Variants in KIAA1217 observed in about 807,000 individuals in gnomAD.
The protein encoded by KIAA1217 is sickle tail protein homolog.
KIAA1217 carries 88 observed loss-of-function variants against 163.9 expected under a neutral mutation model. That is an observed-to-expected ratio of 0.54 (90% CI 0.45 to 0.64). KIAA1217 has a LOEUF of 0.64. Among genes scored for constraint, KIAA1217 ranks in the 30% least tolerant of loss-of-function variants. The probability of loss-of-function intolerance (pLI) is 0.00; values close to 1 mark genes in which losing one functional copy is unlikely to be tolerated. For synonymous variants in KIAA1217, 903 were observed against 923.1 expected, an observed-to-expected ratio of 0.98 and a Z score of 0.39; for missense variants, 2,372 against 2,475.0, an observed-to-expected ratio of 0.96 and a Z score of 0.88.
chr10:24,057,726 T>G (rs2060578106), intron 2 of KIAA1217, among the ~76,000 whole-genome samples: 1 of 152,212 alleles, frequency 6.6e-6, no homozygotes, highest in African/African-American at 2.4e-5. Context: ...ATTCAAATTC[T>G]TAGCCCATTT....
intron 2 of KIAA1217, among the ~76,000 whole-genome samples, chr10:24,187,210 T>G (rs1298184883): frequency 6.6e-6 from 1 of 152,208 alleles, no homozygotes; most frequent in East Asian, 1.9e-4. Flanking sequence ...CTTCCTGTCT[T>G]GTCGCTTGTC....
intron 1 of KIAA1217, among the ~76,000 whole-genome samples, chr10:23,905,456 A>G (rs184006126): frequency 2.6e-5 from 4 of 152,144 alleles, no homozygotes; most frequent in Admixed American, 2.0e-4. Context: ...TGCTTTACAG[A>G]TGATGACAGC....
intron 1 of KIAA1217, among the ~76,000 whole-genome samples, chr10:24,211,157 G>A (rs746960613): frequency 2.1e-4 from 32 of 152,112 alleles, no homozygotes; most frequent in Admixed American, 5.2e-4. Context: ...AAAGAGCTTC[G>A]CTGAAGTGAT....
At chr10:23,783,213 C>G (rs1484911619) in intron 1 of KIAA1217, among the ~76,000 whole-genome samples, 1 of 151,366 alleles carries the variant, frequency 6.6e-6, no homozygotes, top group Admixed American at 6.6e-5. Flanking sequence ...GCAAAAAAAT[C>G]TCATACTGTT....
intron 1 of KIAA1217, among the ~76,000 whole-genome samples, chr10:24,213,382 T>A (rs1471549206): frequency 6.6e-6 from 1 of 152,180 alleles, no homozygotes; most frequent in Non-Finnish European, 1.5e-5. Context: ...AGTGAAGTGC[T>A]ATTAGCCCAC....
intron 12 of KIAA1217, 138 bp from the exon 13 acceptor site, chr10:24,524,185 C>T (rs1425971473): frequency 1.3e-6 from 1 of 780,788 alleles, no homozygotes; most frequent in Non-Finnish European, 2.1e-6. Flanking sequence ...AGGGATATGT[C>T]TATACATGTC....
At chr10:24,370,678 G>A (rs1255185040) in intron 2 of KIAA1217, among the ~76,000 whole-genome samples, 1 of 152,122 alleles carries the variant, frequency 6.6e-6, no homozygotes, top group East Asian at 1.9e-4. Context: ...GAACTGCCAG[G>A]TTCAAGGGAT....
At chr10:24,361,741 C>T (rs916736657) in intron 2 of KIAA1217, among the ~76,000 whole-genome samples, 8 of 151,926 alleles carry the variant, frequency 5.3e-5, no homozygotes, top group South Asian at 2.1e-4. Context: ...TTTGGGAGGC[C>T]GAGGCGGGAA....
chr10:23,824,658 A>AAAAAAAATAT (rs1837805755), intron 1 of KIAA1217, among the ~76,000 whole-genome samples: 1 of 53,042 alleles, frequency 1.9e-5, no homozygotes, highest in Non-Finnish European at 3.6e-5. Flanking sequence ...AAATAAAAAA[A>AAAAAAAATAT]ATATATATAT....
intron 3 of KIAA1217, among the ~76,000 whole-genome samples, chr10:24,420,667 T>C (rs562981103): frequency 2.2e-4 from 33 of 152,262 alleles, no homozygotes; most frequent in Admixed American, 3.9e-4. Flanking sequence ...TTCTCACATG[T>C]ATGTCTTTGG....
intron 6 of KIAA1217, among the ~76,000 whole-genome samples, chr10:24,490,179 C>T (rs2065934120): frequency 6.6e-6 from 1 of 152,160 alleles, no homozygotes; most frequent in Non-Finnish European, 1.5e-5. Flanking sequence ...TAACCATATA[C>T]ACTAATCACA....
chr10:23,906,096 C>T (rs1842150339), intron 1 of KIAA1217, among the ~76,000 whole-genome samples: 1 of 152,004 alleles, frequency 6.6e-6, no homozygotes, highest in South Asian at 2.1e-4. Flanking sequence ...TTCTCTCCAG[C>T]CCCTTAATAA....
At chr10:23,770,622 T>G (rs1358574902) in intron 1 of KIAA1217, among the ~76,000 whole-genome samples, 1 of 152,190 alleles carries the variant, frequency 6.6e-6, no homozygotes, top group Non-Finnish European at 1.5e-5. Context: ...AAAGTTAGTG[T>G]CCAGTGGTTT....
At chr10:23,880,705 CT>C (rs1225997424) in intron 1 of KIAA1217, among the ~76,000 whole-genome samples, 1 of 151,900 alleles carries the variant, frequency 6.6e-6, no homozygotes, top group Non-Finnish European at 1.5e-5. Context: ...GAAAATATCT[CT>C]TTTAATCCAT....
intron 2 of KIAA1217, among the ~76,000 whole-genome samples, chr10:24,024,965 T>C (rs1847879191): frequency 6.6e-6 from 1 of 151,834 alleles, no homozygotes; most frequent in Admixed American, 6.6e-5. Flanking sequence ...AAAATATGTC[T>C]CAATCTATTT....
At chr10:23,927,302 A>C (rs1448661318) in intron 1 of KIAA1217, among the ~76,000 whole-genome samples, 2 of 149,006 alleles carry the variant, frequency 1.3e-5, no homozygotes, top group Admixed American at 1.3e-4. Context: ...TTCTCTCACA[A>C]GGCTCACCCT....
intron 2 of KIAA1217, among the ~76,000 whole-genome samples, chr10:24,128,827 A>G (rs1017121192): frequency 1.3e-5 from 2 of 152,218 alleles, no homozygotes; most frequent in African/African-American, 4.8e-5. Flanking sequence ...TTCATTTTCT[A>G]CTTTCATAAA....
intron 1 of KIAA1217, among the ~76,000 whole-genome samples, chr10:23,839,976 T>C (rs1289545350): frequency 6.6e-6 from 1 of 152,106 alleles, no homozygotes; most frequent in African/African-American, 2.4e-5. Flanking sequence ...AGAACACAGC[T>C]CCTATATTAG....
chr10:23,951,783 G>A (rs1222418795), intron 1 of KIAA1217, among the ~76,000 whole-genome samples: 1 of 152,178 alleles, frequency 6.6e-6, no homozygotes, highest in Admixed American at 6.5e-5. Context: ...AGTGGCAATA[G>A]CATTTTCCAA....
Sources: gnomAD v4.1 joint callset for allele counts (sites outside exome capture counted in the v4.1 genomes callset) on GRCh38, gnomAD v4.1.1 for gene constraint, MANE v1.5 for transcripts, NCBI Gene and HGNC (gene_info 2026-07-23, HGNC 2026-07-21) for gene names.